Variants in ZNF736 observed in about 807,000 individuals in gnomAD.
ZNF736 encodes the protein zinc finger protein 736.
ZNF736 carries 6 observed loss-of-function variants against 11.7 expected under a neutral mutation model. That is an observed-to-expected ratio of 0.51 (90% CI 0.28 to 1.01). The LOEUF (loss-of-function observed/expected upper bound fraction) is 1.01. Among genes scored for constraint, ZNF736 ranks in the 50% least tolerant of loss-of-function variants. The probability of loss-of-function intolerance (pLI) is 0.09; values close to 1 mark genes in which losing one functional copy is unlikely to be tolerated. For missense variants in ZNF736, 444 were observed against 496.0 expected (o/e 0.90, Z 1.00); for synonymous variants, 139 against 164.7 (o/e 0.84, Z 1.19).
intron 1 of ZNF736, among the ~76,000 whole-genome samples, chr7:64,333,412 G>A (rs6950743): frequency 0.24 from 36,534 of 152,076 alleles, 4,643 homozygotes; most frequent in African/African-American, 0.29. Context: ...TGTGGCTGTC[G>A]AACATGGAAG....
At chr7:64,318,483 A>G (rs1394379608) in intron 1 of ZNF736, among the ~76,000 whole-genome samples, 1 of 152,068 alleles carries the variant, frequency 6.6e-6, no homozygotes, top group African/African-American at 2.4e-5. Flanking sequence ...CATGAAACAG[A>G]CTAATATACT....
At chr7:64,331,013 G>C (rs1008835779) in intron 1 of ZNF736, among the ~76,000 whole-genome samples, 2 of 152,180 alleles carry the variant, frequency 1.3e-5, no homozygotes, top group African/African-American at 4.8e-5. Context: ...CACTGCCTGT[G>C]CCTAGGGTAA....
rs1433912907 is a variant in ZNF736 at position 64,350,959 on chromosome 7, G to A, written c.*1812G>A. The A allele has an allele frequency of 6.6e-6, 1 of 152,296 alleles. No homozygotes were observed. The highest frequency in any genetic ancestry group is 2.4e-5 in the African/African-American group (1 of 41,388). The allele number at this position is 152,296 out of a possible 1,614,324, so 9.4% of individuals were successfully genotyped here. A position where few individuals can be genotyped will look rare whatever the true frequency, so the allele number is the denominator to read the frequency against. ...GAAGGTGCCATAGCTGGAGCAGAGT[G>A]CTAGTGGATATGGGATTTCTGCCTG... On this transcript the variant is annotated 3_prime_UTR_variant, in exon 4 of 4. Coordinates refer to ENST00000423484, the MANE Select transcript of ZNF736 (RefSeq NM_001170905.3).
intron 1 of ZNF736, 119 bp from the exon 2 acceptor site, chr7:64,336,140 T>C: frequency 8.7e-7 from 1 of 1,146,496 alleles, no homozygotes; most frequent in Non-Finnish European, 1.2e-6. Context: ...GAAAGTATCC[T>C]ACTGGATAAC....
intron 3 of ZNF736, among the ~76,000 whole-genome samples, chr7:64,345,137 C>G (rs1352863295): frequency 6.6e-6 from 1 of 151,696 alleles, no homozygotes; most frequent in African/African-American, 2.4e-5. Flanking sequence ...CATTCTTCTG[C>G]CGACGCCTCC....
chr7:64,336,779 A>T, intron 2 of ZNF736, 108 bp from the exon 3 acceptor site: 2 of 898,580 alleles, frequency 2.2e-6, no homozygotes, highest in Non-Finnish European at 3.4e-6. Flanking sequence ...TATTAAAATT[A>T]ATTTTCTAGA....
At position 64,348,491 on chromosome 7, in the gene ZNF736, T is replaced by C; in HGVS notation, c.628T>C (p.Phe210Leu). 1 of 1,561,244 alleles carries C rather than the reference T, an allele frequency of 6.4e-7. No individual in the cohort carries two copies. The highest frequency in any genetic ancestry group is 8.7e-7 in the Non-Finnish European group (1 of 1,153,336). Reference protein sequence around the residue: ...CYKCEECGKAFKKFSNLTEHK... With the variant: ...CYKCEECGKALKKFSNLTEHK... ...CAAATGTGAAGAATGTGGCAAAGCGTTTAAAAAGTTTTCAAACCTTACTGA... is the reference window on the plus strand; with the variant it reads ...CAAATGTGAAGAATGTGGCAAAGCGCTTAAAAAGTTTTCAAACCTTACTGA... The change falls in exon 4 of 4, where the codon TTT (phenylalanine) becomes CTT (leucine). Residue 210 changes from phenylalanine to leucine, a missense_variant. Coordinates refer to ENST00000423484, the MANE Select transcript of ZNF736 (RefSeq NM_001170905.3).
chr7:64,347,268 G>A (rs1789425061), intron 3 of ZNF736, among the ~76,000 whole-genome samples: 1 of 136,262 alleles, frequency 7.3e-6, no homozygotes, highest in Non-Finnish European at 1.5e-5. Context: ...GCCCAGACTG[G>A]AGTGCAATGT....
chr7:64,347,340 C>T (rs1441571598), intron 3 of ZNF736, among the ~76,000 whole-genome samples: 2 of 149,986 alleles, frequency 1.3e-5, no homozygotes, highest in African/African-American at 4.9e-5. Flanking sequence ...TTTCTTCTGC[C>T]TCAGCCTCCC....
rs1312098590 is a variant in ZNF736 at position 64,348,273 on chromosome 7, T to G, written c.410T>G (p.Leu137Trp). The G allele has an allele frequency of 3.2e-6, 5 of 1,551,868 alleles. No individual in the cohort carries two copies. In the Admixed American group the frequency reaches 5.9e-5, roughly 18 times the overall value. ...KSSYNGLHQCLSATHSKTCQC... is the reference protein window; with the variant it reads ...KSSYNGLHQCWSATHSKTCQC... ...AGTTATAATGGCCTTCATCAATGTT[T>G]GTCAGCTACCCATAGCAAAACCTGT... The change falls in exon 4 of 4, where the codon TTG becomes TGG. Residue 137 changes from leucine to tryptophan, a missense_variant. Transcript: ENST00000423484.
chr7:64,314,281 G>T, intron 1 of ZNF736, 128 bp downstream of exon 1: 5 of 1,229,080 alleles, frequency 4.1e-6, no homozygotes, highest in Non-Finnish European at 5.6e-6. Flanking sequence ...GTCCCCGCGG[G>T]CACAGCTCAA....
chr7:64,329,399 C>T (rs1309683779), intron 1 of ZNF736, among the ~76,000 whole-genome samples: 1 of 152,092 alleles, frequency 6.6e-6, no homozygotes, highest in Non-Finnish European at 1.5e-5. Context: ...CTTAGAAAGG[C>T]TTTCCAAGTA....
chr7:64,342,459 A>C (rs987628997), intron 3 of ZNF736, among the ~76,000 whole-genome samples: 3 of 152,176 alleles, frequency 2.0e-5, no homozygotes, highest in Non-Finnish European at 4.4e-5. Context: ...ACTGTGGAAT[A>C]GTTGATTTTA....
chr7:64,329,754 C>T (rs180835270), intron 1 of ZNF736, among the ~76,000 whole-genome samples: 141 of 138,970 alleles, frequency 1.0e-3, no homozygotes, highest in East Asian at 5.9e-4. Flanking sequence ...CCCACAGTGA[C>T]CACTACCTAG....
intron 3 of ZNF736, among the ~76,000 whole-genome samples, chr7:64,343,772 TTG>T (rs1322038931): frequency 2.6e-5 from 4 of 152,222 alleles, no homozygotes; most frequent in East Asian, 1.9e-4. Context: ...CATTAATTAA[TTG>T]TGTTTTTAGT....
At chr7:64,314,772 T>C (rs1788887703) in intron 1 of ZNF736, among the ~76,000 whole-genome samples, 1 of 152,126 alleles carries the variant, frequency 6.6e-6, no homozygotes, top group Admixed American at 6.5e-5. Flanking sequence ...GCCATGTTGC[T>C]CAGGCTGGTC....
intron 3 of ZNF736, among the ~76,000 whole-genome samples, chr7:64,340,457 A>AAG (rs1789321682): frequency 6.6e-6 from 1 of 152,200 alleles, no homozygotes; most frequent in Non-Finnish European, 1.5e-5. Context: ...CCTGTAGCCA[A>AAG]AGAGCAAGGG....
chr7:64,349,209 A>G lies in ZNF736; in HGVS notation c.*62A>G. 1 of 1,283,788 alleles carries G rather than the reference A, an allele frequency of 7.8e-7. No individual in the cohort carries two copies. 79.5% of individuals were successfully genotyped at this position (1,283,788 alleles called of 1,614,324 possible). A position where few individuals can be genotyped will look rare whatever the true frequency, so the allele number is the denominator to read the frequency against. On this transcript the variant is annotated 3_prime_UTR_variant, in exon 4 of 4. Coordinates refer to ENST00000423484, the MANE Select transcript of ZNF736 (RefSeq NM_001170905.3). ...GTTCAACATCTGAAATTTAATACTGAACAAATGCAGTATAAATGTAATGAC... is the reference window on the plus strand; with the variant it reads ...GTTCAACATCTGAAATTTAATACTGGACAAATGCAGTATAAATGTAATGAC...
intron 3 of ZNF736, among the ~76,000 whole-genome samples, chr7:64,337,761 T>TTTTTG (rs1554304628): frequency 8.2e-5 from 11 of 134,424 alleles, no homozygotes; most frequent in African/African-American, 1.3e-4. Context: ...TTTTGGTTTT[T>TTTTTG]TTTTTTTTTT....
Sources: gnomAD v4.1 joint callset for allele counts (sites outside exome capture counted in the v4.1 genomes callset) on GRCh38, gnomAD v4.1.1 for gene constraint, MANE v1.5 for transcripts, NCBI Gene and HGNC (gene_info 2026-07-23, HGNC 2026-07-21) for gene names.